Variants in ARB2A observed in about 807,000 individuals in gnomAD.
The protein encoded by ARB2A is cotranscriptional regulator ARB2A.
the ARB2A span, among the ~76,000 whole-genome samples, chr5:94,106,596 G>T: frequency 6.6e-6 from 1 of 151,788 alleles, no homozygotes; most frequent in African/African-American, 2.4e-5. Context: ...AGAAAGAACT[G>T]CCATTCAACT....
the ARB2A span, among the ~76,000 whole-genome samples, chr5:93,679,863 T>C: frequency 2.0e-5 from 3 of 152,266 alleles, no homozygotes; most frequent in Admixed American, 2.0e-4. Context: ...GAGCATAATG[T>C]GGGAGAGGAG....
the ARB2A span, among the ~76,000 whole-genome samples, chr5:93,712,992 T>C: frequency 3.9e-5 from 6 of 152,126 alleles, no homozygotes; most frequent in Non-Finnish European, 7.4e-5. Flanking sequence ...CTGGGAAAAC[T>C]GGAAATCCAT....
At chr5:93,983,086 A>T in the ARB2A span, among the ~76,000 whole-genome samples, 1 of 152,106 alleles carries the variant, frequency 6.6e-6, no homozygotes, top group African/African-American at 2.4e-5. Context: ...TAGAGTAGAA[A>T]GACAATATTT....
the ARB2A span, among the ~76,000 whole-genome samples, chr5:93,927,882 G>A: frequency 1.3e-5 from 2 of 152,012 alleles, no homozygotes; most frequent in African/African-American, 4.8e-5. Flanking sequence ...ACAGATTACT[G>A]ATATCCAATT....
the ARB2A span, among the ~76,000 whole-genome samples, chr5:94,109,510 A>G: frequency 6.6e-6 from 1 of 152,200 alleles, no homozygotes; most frequent in Non-Finnish European, 1.5e-5. Flanking sequence ...GCACAGAAAC[A>G]TCTCTACATA....
chr5:94,103,396 C>T, the ARB2A span, among the ~76,000 whole-genome samples: 1 of 151,830 alleles, frequency 6.6e-6, no homozygotes, highest in Non-Finnish European at 1.5e-5. Flanking sequence ...GACTTGAAAG[C>T]AACAATAATC....
chr5:93,985,477 G>A, the ARB2A span, among the ~76,000 whole-genome samples: 4 of 149,424 alleles, frequency 2.7e-5, no homozygotes, highest in African/African-American at 9.9e-5. Flanking sequence ...CTCTATTACC[G>A]AGGCTGGACT....
the ARB2A span, among the ~76,000 whole-genome samples, chr5:93,997,015 C>T: frequency 6.6e-6 from 1 of 152,020 alleles, no homozygotes; most frequent in African/African-American, 2.4e-5. Context: ...CAGGTGTCTG[C>T]TCTCAGGAGA....
the ARB2A span, among the ~76,000 whole-genome samples, chr5:94,005,202 T>TTTG: frequency 4.6e-5 from 7 of 151,838 alleles, no homozygotes; most frequent in African/African-American, 9.7e-5. Context: ...CCGTGTTTTT[T>TTTG]TTGTTGTTGT....
the ARB2A span, among the ~76,000 whole-genome samples, chr5:94,032,691 G>C: frequency 2.0e-5 from 3 of 152,138 alleles, no homozygotes; most frequent in African/African-American, 4.8e-5. Context: ...CCAAAACCAA[G>C]AGAGCCCATC....
At chr5:94,012,608 T>G in the ARB2A span, among the ~76,000 whole-genome samples, 1 of 152,122 alleles carries the variant, frequency 6.6e-6, no homozygotes, top group African/African-American at 2.4e-5. Context: ...GGAACCTCAG[T>G]CAACTGCCAG....
At chr5:93,627,353 CTT>C in the ARB2A span, among the ~76,000 whole-genome samples, 1 of 151,846 alleles carries the variant, frequency 6.6e-6, no homozygotes, top group Non-Finnish European at 1.5e-5. Flanking sequence ...AATGGTGAAT[CTT>C]TTCCAGAAGG....
chr5:93,845,863 C>T, the ARB2A span, among the ~76,000 whole-genome samples: 1 of 152,102 alleles, frequency 6.6e-6, no homozygotes, highest in South Asian at 2.1e-4. Flanking sequence ...TATAGTATTG[C>T]TATCTGAATC....
At chr5:93,760,285 T>C in the ARB2A span, among the ~76,000 whole-genome samples, 1 of 152,210 alleles carries the variant, frequency 6.6e-6, no homozygotes, top group Non-Finnish European at 1.5e-5. Context: ...CCCATGCTCA[T>C]GGATGGACAG....
chr5:93,643,640 A>G, the ARB2A span, among the ~76,000 whole-genome samples: 60 of 152,124 alleles, frequency 3.9e-4, no homozygotes, highest in East Asian at 9.9e-3. Flanking sequence ...GATTACAGGC[A>G]TGTACCATCA....
the ARB2A span, among the ~76,000 whole-genome samples, chr5:93,869,086 C>T: frequency 3.9e-5 from 6 of 152,158 alleles, no homozygotes; most frequent in Admixed American, 3.9e-4. Context: ...AGCTGTATAA[C>T]TATGAGTAAG....
At chr5:93,934,904 G>C in the ARB2A span, among the ~76,000 whole-genome samples, 1 of 152,110 alleles carries the variant, frequency 6.6e-6, no homozygotes, top group African/African-American at 2.4e-5. Context: ...CCATAAAAAG[G>C]AACAAAATAA....
the ARB2A span, among the ~76,000 whole-genome samples, chr5:93,721,091 G>C: frequency 2.0e-5 from 3 of 152,152 alleles, no homozygotes; most frequent in Non-Finnish European, 4.4e-5. Context: ...TAAGGAAACA[G>C]GCTAATTCTC....
chr5:93,860,336 A>G, the ARB2A span, among the ~76,000 whole-genome samples: 1 of 152,104 alleles, frequency 6.6e-6, no homozygotes, highest in South Asian at 2.1e-4. Flanking sequence ...AAAACATTAG[A>G]AAGCAAACCA....
Sources: gnomAD v4.1 joint callset for allele counts (sites outside exome capture counted in the v4.1 genomes callset) on GRCh38, gnomAD v4.1.1 for gene constraint, MANE v1.5 for transcripts, NCBI Gene and HGNC (gene_info 2026-07-23, HGNC 2026-07-21) for gene names.